Variants in UBE3A observed in about 807,000 individuals in gnomAD.
The protein encoded by UBE3A is ubiquitin protein ligase E3A.
In UBE3A, 6 loss-of-function variants were observed where a neutral mutation model predicts 83.4. The ratio of observed to expected loss-of-function variants is 0.07; its 90% CI spans 0.04 to 0.14. The LOEUF (loss-of-function observed/expected upper bound fraction) is 0.14, where lower values mean the gene tolerates loss of function less well. Among genes scored for constraint, UBE3A ranks in the 10% least tolerant of loss-of-function variants. The probability of loss-of-function intolerance (pLI) is 1.00; values close to 1 mark genes in which losing one functional copy is unlikely to be tolerated. For synonymous variants in UBE3A, 337 were observed against 355.4 expected (o/e 0.95, Z 0.58); for missense variants, 456 against 1,036.1 (o/e 0.44, Z 7.69).
Position 25,426,086 on chromosome 15 carries a change from T to C in UBE3A, c.-165+12403A>G, listed in dbSNP as rs765884603. On this transcript the variant is annotated intron_variant, in intron 1 of 12. Transcript: ENST00000648336. ...TTATTTACCTACTAACTACAGAAGG[T>C]AGACTCACAATGTGCCAATATTAAA... 3.5e-4 allele frequency among the ~76,000 whole-genome samples: 53 copies of C among 152,178 alleles called. 1 individual carries two copies. The highest frequency in any genetic ancestry group is 6.5e-4 in the Non-Finnish European group (44 of 68,030).
intron 4 of UBE3A, among the ~76,000 whole-genome samples, chr15:25,401,125 G>T (rs2086973772): frequency 6.6e-6 from 1 of 152,058 alleles, no homozygotes; most frequent in South Asian, 2.1e-4. Flanking sequence ...ATGGATTCAG[G>T]TCTGTTGGAT....
intron 11 of UBE3A, among the ~76,000 whole-genome samples, chr15:25,342,656 G>T (rs1005086947): frequency 6.6e-5 from 10 of 152,102 alleles, no homozygotes; most frequent in African/African-American, 2.4e-4. Context: ...AAAAACCTAT[G>T]ACTTAGGTCT....
At chr15:25,435,872 T>A (rs542384244) in intron 1 of UBE3A, among the ~76,000 whole-genome samples, 11 of 152,334 alleles carry the variant, frequency 7.2e-5, no homozygotes, top group African/African-American at 2.4e-4. Flanking sequence ...GATAACATGC[T>A]GTAGTCCACT....
At chr15:25,424,072 A>AT (rs1478677860) in intron 1 of UBE3A, among the ~76,000 whole-genome samples, 1 of 152,180 alleles carries the variant, frequency 6.6e-6, no homozygotes, top group Non-Finnish European at 1.5e-5. Context: ...AACATAAGTC[A>AT]TACTTTTTCA....
At chr15:25,430,497 C>CA (rs1893135360) in intron 1 of UBE3A, among the ~76,000 whole-genome samples, 1 of 150,792 alleles carries the variant, frequency 6.6e-6, no homozygotes. Context: ...ACAATGTGTG[C>CA]ACCGCCCTCG....
Position 25,340,073 on chromosome 15 carries a change from A to T in UBE3A, c.2498+12T>A, listed in dbSNP as rs1566824919. ...TCGGTAGGTATACAGTCACAAGTTA[A>T]TAATTACCTACCTTTCTGTGTCTGG... On this transcript the variant is annotated intron_variant, in intron 12 of 12. Coordinates refer to ENST00000648336, the MANE Select transcript of UBE3A (RefSeq NM_130839.5). 2.5e-6 allele frequency: 4 copies of T among 1,613,994 alleles called. No individual in the cohort carries two copies. Among genetic ancestry groups the T allele is most frequent in the Middle Eastern group, 1.7e-4 (1 of 6,038 alleles).
intron 7 of UBE3A, among the ~76,000 whole-genome samples, chr15:25,360,146 G>A (rs527889692): frequency 6.6e-6 from 1 of 152,246 alleles, no homozygotes; most frequent in East Asian, 1.9e-4. Context: ...GTTTACCAAA[G>A]AGATAATTTC....
Position 25,336,228 on chromosome 15 carries a change from C to T in UBE3A, c.*2909G>A, listed in dbSNP as rs939119576. On this transcript the variant is annotated 3_prime_UTR_variant, in exon 13 of 13. Transcript: ENST00000648336. ...GGTGTGTTTTTGGATTATACAGTGG[C>T]TCATGGAAGGGTGGGAGGGGTACAG... The T allele has an allele frequency of 5.9e-5, 9 of 152,066 alleles. No homozygotes were observed. The highest frequency in any genetic ancestry group is 2.2e-4 in the African/African-American group (9 of 41,382). 9.4% of individuals were successfully genotyped at this position (152,066 alleles called of 1,614,324 possible).
At chr15:25,401,971 T>C (rs775726535) in intron 4 of UBE3A, among the ~76,000 whole-genome samples, 3 of 152,244 alleles carry the variant, frequency 2.0e-5, no homozygotes, top group Non-Finnish European at 2.9e-5. Context: ...TATCTGCATT[T>C]TCTTGAAATT....
At chr15:25,391,195 C>T (rs2084287257) in intron 4 of UBE3A, among the ~76,000 whole-genome samples, 1 of 152,152 alleles carries the variant, frequency 6.6e-6, no homozygotes, top group Non-Finnish European at 1.5e-5. Context: ...TAATATGCTA[C>T]AACACAAATG....
intron 11 of UBE3A, chr15:25,354,095 T>G: frequency 1.9e-6 from 1 of 539,812 alleles, no homozygotes; most frequent in Non-Finnish European, 3.3e-6. Context: ...CTCTAACCAG[T>G]GAGGAATACT....
intron 4 of UBE3A, among the ~76,000 whole-genome samples, chr15:25,383,362 C>A (rs1405243989): frequency 6.6e-6 from 1 of 152,152 alleles, no homozygotes; most frequent in Admixed American, 6.5e-5. Flanking sequence ...AAAGGCCAGA[C>A]AGGGTGGCTC....
intron 1 of UBE3A, among the ~76,000 whole-genome samples, chr15:25,432,261 TATTTA>T (rs1157870745): frequency 2.6e-5 from 4 of 152,212 alleles, no homozygotes; most frequent in African/African-American, 4.8e-5. Flanking sequence ...AGTATTTCTA[TATTTA>T]ATTAGGAGGT....
chr15:25,409,393 T>C, intron 2 of UBE3A, 186 bp from the exon 3 acceptor site: 1 of 339,336 alleles, frequency 2.9e-6, no homozygotes, highest in East Asian at 4.7e-5. Context: ...ATCTCTTCAT[T>C]TGAGAAAATG....
rs770625060 is a variant in UBE3A, at chr15:25,335,930, A to G, written c.*3207T>C. On this transcript the variant is annotated 3_prime_UTR_variant, in exon 13 of 13. Transcript: ENST00000648336. The stretch of plus-strand genomic sequence containing the variant: ...AGCTAGGGTGTTGTCAAGGTTATAG[A>G]TGTTACTGATTTTGGCAATGAGGAG... 1.3e-5 allele frequency: 2 copies of G among 152,200 alleles called. No individual in the cohort carries two copies. The allele number at this position is 152,200 out of a possible 1,614,324, so 9.4% of individuals were successfully genotyped here. A position where few individuals can be genotyped will look rare whatever the true frequency, so the allele number is the denominator to read the frequency against.
intron 4 of UBE3A, among the ~76,000 whole-genome samples, chr15:25,400,821 G>A (rs2086898907): frequency 1.3e-5 from 2 of 152,116 alleles, no homozygotes; most frequent in African/African-American, 4.8e-5. Context: ...CTCTTGCAAG[G>A]ACTTCCGGTA....
At chr15:25,404,984 C>G (rs563898026) in intron 4 of UBE3A, among the ~76,000 whole-genome samples, 100 of 152,334 alleles carry the variant, frequency 6.6e-4, no homozygotes, top group African/African-American at 2.4e-3. Flanking sequence ...TACTCCAGTA[C>G]TCCTTCATGT....
At chr15:25,427,234 G>A (rs1312803745) in intron 1 of UBE3A, among the ~76,000 whole-genome samples, 1 of 151,852 alleles carries the variant, frequency 6.6e-6, no homozygotes, top group Non-Finnish European at 1.5e-5. Flanking sequence ...TCTCAGTTGA[G>A]ATAAACACGA....
rs994183892 is a variant in UBE3A, at chr15:25,339,080, T to A, written c.*57A>T. 1.9e-4 allele frequency: 284 copies of A among 1,474,858 alleles called. No individual in the cohort carries two copies. The East Asian group carries it at 2.0e-3, about 10-fold the overall frequency. 91.4% of individuals were successfully genotyped at this position (1,474,858 alleles called of 1,614,324 possible). Reference sequence around the variant, plus strand: ...CCCTCGTTATATTTTTAAAATTTTTTAAATTTTTTCTTTTTTTTTCCTTCC... The same window carrying A: ...CCCTCGTTATATTTTTAAAATTTTTAAAATTTTTTCTTTTTTTTTCCTTCC... On this transcript the variant is annotated 3_prime_UTR_variant, in exon 13 of 13. Transcript: ENST00000648336.
Sources: allele counts gnomAD v4.1 joint callset (sites outside exome capture counted in the v4.1 genomes callset), GRCh38; gene constraint gnomAD v4.1.1; transcripts MANE v1.5; gene names NCBI Gene and HGNC (gene_info 2026-07-23, HGNC 2026-07-21).